Variants in CNTN1 observed in about 807,000 individuals in gnomAD.
CNTN1 encodes the protein contactin-1.
A neutral mutation model predicts 126.4 loss-of-function variants in CNTN1; 38 were observed. That is an observed-to-expected ratio of 0.30 (90% CI 0.23 to 0.39). The LOEUF is 0.39. Among genes scored for constraint, CNTN1 ranks in the 10% least tolerant of loss-of-function variants. The pLI, the probability that CNTN1 is intolerant of heterozygous loss-of-function variation, is 1.00. For synonymous variants in CNTN1, 413 were observed against 422.6 expected (o/e 0.98, Z 0.28); for missense variants, 1,009 against 1,248.4 (o/e 0.81, Z 2.89).
rs1949158889 is a variant in CNTN1 at position 41,032,233 on chromosome 12, CAA to C, written c.2980+3016_2980+3017del. ...ATAGACAGGGGGGTTTTTTAAAACA[CAA>C]ATCAAATCATATAACTCTCCTGTTA... On this transcript the variant is annotated intron_variant, in intron 23 of 23. Coordinates refer to ENST00000551295, the MANE Select transcript of CNTN1 (RefSeq NM_001843.4). 2.0e-5 allele frequency among the ~76,000 whole-genome samples: 3 copies of C among 151,956 alleles called. No individual in the cohort carries two copies. In the South Asian group the frequency reaches 6.2e-4, roughly 32 times the overall value.
chr12:40,700,168 CT>C (rs1251003345), intron 1 of CNTN1, among the ~76,000 whole-genome samples: 1 of 151,986 alleles, frequency 6.6e-6, no homozygotes, highest in East Asian at 1.9e-4. Context: ...AAGTATTTGC[CT>C]TTTATATTAG....
intron 6 of CNTN1, among the ~76,000 whole-genome samples, chr12:40,925,800 T>TTA (rs370971706): frequency 0.024 from 2,848 of 116,322 alleles, 37 homozygotes; most frequent in East Asian, 0.048. Context: ...ACTATTGAAA[T>TTA]TATATATATA....
intron 1 of CNTN1, among the ~76,000 whole-genome samples, chr12:40,722,447 A>G (rs748181338): frequency 6.6e-5 from 10 of 152,172 alleles, no homozygotes; most frequent in Admixed American, 3.3e-4. Context: ...ATCTGGCCCT[A>G]TGAGCTTTGG....
intron 1 of CNTN1, among the ~76,000 whole-genome samples, chr12:40,824,441 A>G (rs978840636): frequency 6.6e-6 from 1 of 152,136 alleles, no homozygotes; most frequent in Non-Finnish European, 1.5e-5. Context: ...AAGTAATGTA[A>G]AGACATGGTA....
intron 1 of CNTN1, among the ~76,000 whole-genome samples, chr12:40,790,341 G>A (rs1400526072): frequency 6.6e-6 from 1 of 152,062 alleles, no homozygotes; most frequent in Non-Finnish European, 1.5e-5. Context: ...GAAGCCACAT[G>A]CCCAACTTGA....
intron 1 of CNTN1, among the ~76,000 whole-genome samples, chr12:40,836,236 T>G (rs1266851086): frequency 6.8e-6 from 1 of 148,112 alleles, no homozygotes; most frequent in African/African-American, 2.5e-5. Context: ...TATGAATACA[T>G]AATCATATAT....
intron 1 of CNTN1, among the ~76,000 whole-genome samples, chr12:40,832,137 C>T (rs1323332886): frequency 6.6e-6 from 1 of 152,162 alleles, no homozygotes; most frequent in Admixed American, 6.6e-5. Flanking sequence ...AGGCAGTGAA[C>T]ACCCACAGAC....
chr12:40,868,005 G>A (rs1238381444), intron 1 of CNTN1, among the ~76,000 whole-genome samples: 1 of 151,666 alleles, frequency 6.6e-6, no homozygotes, highest in Admixed American at 6.6e-5. Context: ...TTTGGGACCT[G>A]TTGTAATTTC....
intron 1 of CNTN1, among the ~76,000 whole-genome samples, chr12:40,780,748 A>G (rs1410811040): frequency 6.6e-6 from 1 of 151,308 alleles, no homozygotes; most frequent in East Asian, 1.9e-4. Context: ...CCATGAATCA[A>G]AAGAGGAGGC....
intron 16 of CNTN1, among the ~76,000 whole-genome samples, chr12:40,988,599 T>C (rs1365465136): frequency 6.6e-6 from 1 of 152,138 alleles, no homozygotes; most frequent in Non-Finnish European, 1.5e-5. Flanking sequence ...GATTCTCTTT[T>C]CCTCAAAGAA....
intron 15 of CNTN1, among the ~76,000 whole-genome samples, chr12:40,968,899 T>C (rs1947398946): frequency 6.6e-6 from 1 of 152,196 alleles, no homozygotes; most frequent in South Asian, 2.1e-4. Flanking sequence ...TCTATCATTG[T>C]TGGTACATGG....
At chr12:40,706,482 T>C (rs1487282638) in intron 1 of CNTN1, among the ~76,000 whole-genome samples, 1 of 152,108 alleles carries the variant, frequency 6.6e-6, no homozygotes, top group Non-Finnish European at 1.5e-5. Flanking sequence ...TTATCCATAC[T>C]TATGTCCATG....
At chr12:41,048,727 T>TGAAGGAAGGAAAGAGG (rs947924497) in intron 23 of CNTN1, among the ~76,000 whole-genome samples, 43 of 135,238 alleles carry the variant, frequency 3.2e-4, no homozygotes, top group Admixed American at 1.9e-3. Flanking sequence ...AGGAAAAAAA[T>TGAAGGAAGGAAAGAGG]GAAGGAAGGA....
At chr12:40,896,510 T>G (rs1944420149) in intron 1 of CNTN1, among the ~76,000 whole-genome samples, 2 of 152,202 alleles carry the variant, frequency 1.3e-5, no homozygotes, top group Admixed American at 1.3e-4. Context: ...CTAGCCTCAC[T>G]GCCTTTTGAT....
intron 5 of CNTN1, among the ~76,000 whole-genome samples, chr12:40,923,212 A>G (rs1945515303): frequency 6.6e-6 from 1 of 152,120 alleles, no homozygotes; most frequent in African/African-American, 2.4e-5. Context: ...TTAAATTTAA[A>G]TTACATGAAA....
chr12:40,824,839 A>G (rs1941557719), intron 1 of CNTN1, among the ~76,000 whole-genome samples: 1 of 152,168 alleles, frequency 6.6e-6, no homozygotes, highest in South Asian at 2.1e-4. Flanking sequence ...GATAATGCCA[A>G]TGTTTCTTCT....
chr12:41,035,886 G>A (rs1351139826), intron 23 of CNTN1, among the ~76,000 whole-genome samples: 13 of 152,106 alleles, frequency 8.5e-5, no homozygotes, highest in African/African-American at 2.4e-5. Flanking sequence ...CATCTAAAAG[G>A]CAATACTCAG....
At chr12:41,030,466 G>C (rs1244602338) in intron 23 of CNTN1, among the ~76,000 whole-genome samples, 1 of 151,962 alleles carries the variant, frequency 6.6e-6, no homozygotes, top group Admixed American at 6.6e-5. Flanking sequence ...GAAAGGAAAA[G>C]AAAATAATCA....
chr12:40,701,456 G>T (rs1304905027), intron 1 of CNTN1, among the ~76,000 whole-genome samples: 1 of 151,870 alleles, frequency 6.6e-6, no homozygotes, highest in Admixed American at 6.6e-5. Context: ...AATTGTCATG[G>T]TTACTAAAAG....
Sources: gnomAD v4.1 joint callset for allele counts (sites outside exome capture counted in the v4.1 genomes callset) on GRCh38, gnomAD v4.1.1 for gene constraint, MANE v1.5 for transcripts, NCBI Gene and HGNC (gene_info 2026-07-23, HGNC 2026-07-21) for gene names.